TMEM94: variants seen among roughly 807,000 people sequenced by gnomAD.
TMEM94 encodes the protein ER Mg2+ ATPase.
A neutral mutation model predicts 158.6 loss-of-function variants in TMEM94; 81 were observed. The ratio of observed to expected loss-of-function variants is 0.51; its 90% CI spans 0.43 to 0.61. The LOEUF is 0.61. Among genes scored for constraint, TMEM94 ranks in the 20% least tolerant of loss-of-function variants. The probability of loss-of-function intolerance (pLI) is 0.00; values close to 1 mark genes in which losing one functional copy is unlikely to be tolerated. For missense variants in TMEM94, 1,435 were observed against 1,762.0 expected (o/e 0.81, Z 3.32); for synonymous variants, 751 against 730.7 (o/e 1.03, Z -0.45).
intron 18 of TMEM94, 78 bp downstream of exon 18, chr17:75,493,994 C>A: frequency 7.0e-7 from 1 of 1,421,132 alleles, no homozygotes; most frequent in South Asian, 1.2e-5. Context: ...GGGAGGGCGT[C>A]TGGAGGGCCC....
rs1372400316 is a variant in TMEM94 at position 75,493,797 on chromosome 17, A to C, written c.2288A>C (p.Asn763Thr). The change falls in exon 18 of 32, where the codon AAT (asparagine) becomes ACT (threonine). Residue 763 changes from asparagine to threonine, a missense_variant. Physicochemically the swap from Asn to Thr is moderately conservative, Grantham distance 65 (BLOSUM62 0). This residue lies in a region of TMEM94 where 1,051 missense variants were observed against 1,254.4 expected (regional missense o/e 0.84). Coordinates refer to ENST00000314256, the MANE Select transcript of TMEM94 (RefSeq NM_014738.6). ...AACTGCGCCCTGTCCTCTCAGCTCAATGGCAAGTGCATCGAGCTGGTACAG... is the reference window on the plus strand; with the variant it reads ...AACTGCGCCCTGTCCTCTCAGCTCACTGGCAAGTGCATCGAGCTGGTACAG... ...PMNCALSSQLNGKCIELVQVP... is the reference protein window; with the variant it reads ...PMNCALSSQLTGKCIELVQVP... The C allele has an allele frequency of 3.1e-6, 5 of 1,613,984 alleles. No individual in the cohort carries two copies. In the South Asian group the frequency reaches 5.5e-5, roughly 18 times the overall value.
chr17:75,478,538 GC>G (rs2050898414), intron 2 of TMEM94, among the ~76,000 whole-genome samples: 2 of 152,032 alleles, frequency 1.3e-5, no homozygotes, highest in African/African-American at 4.8e-5. Context: ...CTGCTCAGGG[GC>G]AGACTCCTTG....
In TMEM94 at chr17:75,491,757, G is replaced by C; in HGVS notation, c.1453G>C (p.Glu485Gln). The change falls in exon 14 of 32, where the codon GAG becomes CAG. Residue 485 changes from glutamate to glutamine, a missense_variant. By Grantham distance (29) the Glu-to-Gln change is conservative. Around this residue, in one of 3 missense-constraint regions of TMEM94, gnomAD observed 1,051 missense variants for 1,254.4 expected, o/e 0.84. Coordinates refer to ENST00000314256, the MANE Select transcript of TMEM94 (RefSeq NM_014738.6). This position sits in a 1 kb window ranked among gnomAD's most constrained non-coding sequence, Gnocchi z 5.1. ...CACCCTGCACCTTTCCAATGAGCAG[G>C]AGCGTGGCGACTGGCCTGGCGAGGC... ...NNTLHLSNEQ[E>Q]RGDWPGEAPK... The C allele has an allele frequency of 6.2e-7, 1 of 1,614,068 alleles. No homozygotes were observed. The highest frequency in any genetic ancestry group is 1.1e-5 in the South Asian group (1 of 91,084).
At chr17:75,465,022 CAG>C (rs755430951) in intron 1 of TMEM94, among the ~76,000 whole-genome samples, 1 of 151,864 alleles carries the variant, frequency 6.6e-6, no homozygotes, top group African/African-American at 2.4e-5. Context: ...TTGTTAGAGA[CAG>C]GGTCTCACTC....
In TMEM94 at chr17:75,467,694, G is replaced by A. The variant is rs867923348; in HGVS notation, c.-106-4106G>A. ...ACTACAGGCGCCCGCCACCGCGCCCGGCTAATTTTTTGTATTTTTAGTAGA... is the reference window on the plus strand; with the variant it reads ...ACTACAGGCGCCCGCCACCGCGCCCAGCTAATTTTTTGTATTTTTAGTAGA... On this transcript the variant is annotated intron_variant, in intron 1 of 31. Coordinates refer to ENST00000314256, the MANE Select transcript of TMEM94 (RefSeq NM_014738.6). 5.8e-4 allele frequency among the ~76,000 whole-genome samples: 88 copies of A among 150,898 alleles called. 1 individual carries two copies. Among genetic ancestry groups the A allele is most frequent in the African/African-American group, 1.8e-3 (76 of 41,218 alleles).
intron 2 of TMEM94, among the ~76,000 whole-genome samples, chr17:75,482,562 ATG>A (rs966232728): frequency 5.0e-5 from 7 of 141,070 alleles, no homozygotes; most frequent in Non-Finnish European, 1.0e-4. Flanking sequence ...GTATGTATGT[ATG>A]TATGTATAAC....
At chr17:75,464,926 C>T (rs371492578) in intron 1 of TMEM94, among the ~76,000 whole-genome samples, 1 of 151,578 alleles carries the variant, frequency 6.6e-6, no homozygotes, top group Admixed American at 6.6e-5. Context: ...CTTGAACTCC[C>T]GACCTCAGGT....
Position 75,495,438 on chromosome 17 carries a change from G to T in TMEM94, c.2844+39G>T. 2 of 1,593,930 alleles carry T rather than the reference G, an allele frequency of 1.3e-6. No homozygotes were observed. Among genetic ancestry groups the T allele is most frequent in the Non-Finnish European group, 1.7e-6 (2 of 1,162,368 alleles). ...ATCTGTCTCACGTGTTCCTGTAGTG[G>T]TCCCATAGCTGGTCCAGGGGAGAGG... On this transcript the variant is annotated intron_variant, in intron 21 of 31. Coordinates refer to ENST00000314256, the MANE Select transcript of TMEM94 (RefSeq NM_014738.6). The surrounding 1 kb of genome is among the most constrained non-coding windows in gnomAD (Gnocchi z 5.6).
chr17:75,496,326 C>A lies in TMEM94; in HGVS notation c.3098C>A (p.Thr1033Asn), dbSNP rs1466855403. Residue 1033 changes from threonine (T) to asparagine (N), a missense_variant, in exon 24 of 32, where the codon ACC (threonine) becomes AAC (asparagine). Thr to Asn is a moderately conservative substitution (Grantham distance 65). This residue lies in a region of TMEM94 where 335 missense variants were observed against 409.1 expected (regional missense o/e 0.82). Transcript: ENST00000314256. ...TACCCATCCCGTTGCTCCTGGGAGA[C>A]CTTTGGCTACGCCACCAGCATCAGC... Reference protein sequence around the residue: ...PLYPSRCSWETFGYATSISMA... With the variant: ...PLYPSRCSWENFGYATSISMA... The A allele has an allele frequency of 1.2e-6, 2 of 1,614,156 alleles. No homozygotes were observed. Among genetic ancestry groups the A allele is most frequent in the Non-Finnish European group, 1.7e-6 (2 of 1,180,034 alleles).
Position 75,493,055 on chromosome 17 carries a change from C to T in TMEM94, c.2039C>T (p.Pro680Leu), listed in dbSNP as rs755387241. 1.9e-6 allele frequency: 3 copies of T among 1,613,366 alleles called. No homozygotes were observed. The highest frequency in any genetic ancestry group is 2.2e-5 in the South Asian group (2 of 91,092). ...CTCTCCTGTGTCACCAAGCGGCGGC[C>T]TCCCCTCAGCCACATGATCAGCCTC... Reference protein sequence around the residue: ...GRLSCVTKRRPPLSHMISLFI... With the variant: ...GRLSCVTKRRLPLSHMISLFI... The change falls in exon 16 of 32, where the codon CCT (proline) becomes CTT (leucine). Residue 680 changes from proline (P) to leucine (L), a missense_variant. Coordinates refer to ENST00000314256, the MANE Select transcript of TMEM94 (RefSeq NM_014738.6).
At chr17:75,459,078 A>C (rs71380894) in intron 1 of TMEM94, among the ~76,000 whole-genome samples, 3 of 148,726 alleles carry the variant, frequency 2.0e-5, no homozygotes, top group South Asian at 4.3e-4. Context: ...AACAAAAAAA[A>C]CAAAAACAAA....
At position 75,488,809 on chromosome 17, in the gene TMEM94, C is replaced by G; in HGVS notation, c.663C>G (p.Ser221=). Residue 221 remains serine, a synonymous_variant, in exon 7 of 32, where the codon TCC becomes TCG. Coordinates refer to ENST00000314256, the MANE Select transcript of TMEM94 (RefSeq NM_014738.6). ...CGGGAGACCTCTTCCCCCCCTTCTC[C>G]CCTCCACCCTCACCCCGGGGAGAAG... ...LEPGDLFPPF[S]PPPSPRGEVE... 1 of 1,613,350 alleles carries G rather than the reference C, an allele frequency of 6.2e-7. No individual in the cohort carries two copies. The highest frequency in any genetic ancestry group is 8.5e-7 in the Non-Finnish European group (1 of 1,179,652).
chr17:75,459,321 A>T lies in TMEM94; in HGVS notation c.-107+2570A>T, dbSNP rs532877883. Among the ~76,000 whole-genome samples, 17 of 152,302 alleles carry T rather than the reference A, an allele frequency of 1.1e-4. No individual in the cohort carries two copies. The South Asian group carries it at 3.5e-3, about 32-fold the overall frequency. ...ATCAGCCCCCAAATAATTGAGAGTT[A>T]ACTGCCCTTGAACCACCAGACCACC... On this transcript the variant is annotated intron_variant, in intron 1 of 31. Transcript: ENST00000314256.
intron 1 of TMEM94, chr17:75,457,423 C>CG (rs2049928374): frequency 6.6e-6 from 1 of 152,272 alleles, no homozygotes; most frequent in African/African-American, 2.4e-5. Flanking sequence ...TGCCACGATG[C>CG]GGCCCCTGCC....
intron 16 of TMEM94, 73 bp from the exon 17 acceptor site, chr17:75,493,418 A>G: frequency 4.8e-6 from 7 of 1,457,138 alleles, no homozygotes; most frequent in Non-Finnish European, 6.7e-6. Context: ...CTCCAGGAGG[A>G]CAGTGCGTTG....
chr17:75,494,023 AG>A (rs2146797093), intron 18 of TMEM94, 107 bp downstream of exon 18: 1 of 1,075,910 alleles, frequency 9.3e-7, no homozygotes, highest in East Asian at 2.6e-5. Flanking sequence ...CCCACAGCAA[AG>A]GGGGCAGTGG....
intron 2 of TMEM94, among the ~76,000 whole-genome samples, chr17:75,480,824 C>A (rs1298196309): frequency 1.3e-5 from 2 of 152,228 alleles, no homozygotes; most frequent in African/African-American, 2.4e-5. Flanking sequence ...AGCCTTCCCC[C>A]TATGCAGGCC....
chr17:75,497,277 C>A, intron 26 of TMEM94, 79 bp downstream of exon 26: 1 of 1,240,222 alleles, frequency 8.1e-7, no homozygotes, highest in Non-Finnish European at 1.2e-6. Flanking sequence ...CCCAGGAGCC[C>A]AAGGTTCTGG....
Position 75,495,869 on chromosome 17 carries a change from C to T in TMEM94, c.2945-97C>T, listed in dbSNP as rs2052631464. Reference sequence around the variant, plus strand: ...GATTGTTTCAAAGAGGGGCCCACCTCCCATCGCCTCCTGCTCTCCTGTCCC... The same window carrying T: ...GATTGTTTCAAAGAGGGGCCCACCTTCCATCGCCTCCTGCTCTCCTGTCCC... On this transcript the variant is annotated intron_variant, in intron 22 of 31. Transcript: ENST00000314256. This position sits in a 1 kb window ranked among gnomAD's most constrained non-coding sequence, Gnocchi z 5.6. 1.1e-6 allele frequency: 1 copy of T among 923,818 alleles called. No homozygotes were observed. The highest frequency in any genetic ancestry group is 1.6e-5 in the African/African-American group (1 of 61,038). 57.2% of individuals were successfully genotyped at this position (923,818 alleles called of 1,614,324 possible). A position where few individuals can be genotyped will look rare whatever the true frequency, so the allele number is the denominator to read the frequency against.
Sources: gnomAD v4.1 joint callset for allele counts (sites outside exome capture counted in the v4.1 genomes callset) on GRCh38, gnomAD v4.1.1 for gene constraint, gnomAD v4.1.1 regional missense constraint, Gnocchi (gnomAD v3.1) non-coding constraint, MANE v1.5 for transcripts, NCBI Gene and HGNC (gene_info 2026-07-23, HGNC 2026-07-21) for gene names.